The following FAM8A1 variants were observed in gnomAD, a reference collection of about 807,000 sequenced individuals.
FAM8A1 encodes family with sequence similarity 8 member A1.
In FAM8A1, 18 loss-of-function variants were observed where a neutral mutation model predicts 38.3. That is an observed-to-expected ratio of 0.47 (90% confidence interval 0.33 to 0.70). The LOEUF is 0.70. Among genes scored for constraint, FAM8A1 ranks in the 30% least tolerant of loss-of-function variants. The pLI, the probability that FAM8A1 is intolerant of heterozygous loss-of-function variation, is 0.03. For synonymous variants in FAM8A1, 246 were observed against 234.4 expected (o/e 1.05, Z -0.45); for missense variants, 559 against 559.6 (o/e 1.00, Z 0.01).
chr6:17,603,044 A>G (rs1764008302), intron 2 of FAM8A1, among the ~76,000 whole-genome samples: 1 of 152,202 alleles, frequency 6.6e-6, no homozygotes. Flanking sequence ...CCCTCTTGCT[A>G]TCTTGTGGAG....
At position 17,600,874 on chromosome 6, in the gene FAM8A1, C is replaced by T. The variant is rs1281372702; in HGVS notation, c.465C>T (p.Gly155=). Residue 155 remains glycine, a synonymous_variant, in exon 1 of 5, where the codon GGC becomes GGT. Coordinates refer to ENST00000259963, the MANE Select transcript of FAM8A1 (RefSeq NM_016255.3). The part of the protein sequence containing the change: ...QPSPQSFPSG[G]AAVPQAAAPP... Reference sequence around the variant, plus strand: ...CCCCGCAGAGCTTCCCTTCGGGCGGCGCTGCAGTCCCCCAGGCCGCGGCGC... The same window carrying T: ...CCCCGCAGAGCTTCCCTTCGGGCGGTGCTGCAGTCCCCCAGGCCGCGGCGC... The T allele has an allele frequency of 6.2e-7, 1 of 1,605,756 alleles. No individual in the cohort carries two copies. The highest frequency in any genetic ancestry group is 1.3e-5 in the African/African-American group (1 of 74,896).
In FAM8A1 at chr6:17,609,630, T is replaced by G. The variant is rs1764109347; in HGVS notation, c.*1291T>G. 1 of 152,196 alleles carries G rather than the reference T, an allele frequency of 6.6e-6. No individual in the cohort carries two copies. The highest frequency in any genetic ancestry group is 6.5e-5 in the Admixed American group (1 of 15,272). 9.4% of individuals were successfully genotyped at this position (152,196 alleles called of 1,614,324 possible). ...TATGTGTGTGTGCTTTTCCTAGATG[T>G]CCCAGTTAGCTGTGCTGAGATATAC... On this transcript the variant is annotated 3_prime_UTR_variant, in exon 5 of 5. Transcript: ENST00000259963.
chr6:17,603,877 C>T (rs1422093503), intron 2 of FAM8A1, among the ~76,000 whole-genome samples: 2 of 151,962 alleles, frequency 1.3e-5, no homozygotes, highest in Admixed American at 6.6e-5. Flanking sequence ...TGAGCCACCA[C>T]ACCTGGCCCA....
In FAM8A1 at chr6:17,605,010, T is replaced by G; in HGVS notation, c.938T>G (p.Leu313Ter). ...KMMVVALIYR[L>*]LVCFYEIICI... ...ATGGTTGTGGCACTTATATACAGAT[T>G]ATTAGTTTGTTTCTATGAGGTAAGC... Residue 313 changes from leucine (L) to a stop codon, truncating the protein, a stop_gained, in exon 3 of 5, where the codon TTA (leucine) becomes TGA (stop). Transcript: ENST00000259963. LOFTEE classifies it high-confidence loss of function. The G allele has an allele frequency of 1.2e-6, 2 of 1,609,250 alleles. No homozygotes were observed. Among genetic ancestry groups the G allele is most frequent in the Non-Finnish European group, 1.7e-6 (2 of 1,177,898 alleles).
chr6:17,605,291 G>C (rs922462452), intron 3 of FAM8A1, among the ~76,000 whole-genome samples: 5 of 152,178 alleles, frequency 3.3e-5, no homozygotes, highest in African/African-American at 9.7e-5. Flanking sequence ...ATGTAGGCCA[G>C]GCTGGTCTCA....
In FAM8A1 at chr6:17,600,526, C is replaced by T; in HGVS notation, c.117C>T (p.Pro39=). The T allele has an allele frequency of 3.9e-6, 6 of 1,534,378 alleles. No individual in the cohort carries two copies. Among genetic ancestry groups the T allele is most frequent in the South Asian group, 3.7e-5 (3 of 81,450 alleles). The change falls in exon 1 of 5, where the codon CCC becomes CCT. Residue 39 remains proline, a synonymous_variant. Transcript: ENST00000259963. ...RGPPTTAVPC[P]RDDPQAEPQA... ...CTCCTACCACCGCCGTCCCATGCCCCCGCGACGACCCCCAGGCCGAACCCC... is the reference window on the plus strand; with the variant it reads ...CTCCTACCACCGCCGTCCCATGCCCTCGCGACGACCCCCAGGCCGAACCCC...
intron 1 of FAM8A1, 106 bp from the exon 2 acceptor site, chr6:17,602,484 T>A: frequency 9.1e-7 from 1 of 1,102,650 alleles, no homozygotes; most frequent in Non-Finnish European, 1.3e-6. Flanking sequence ...TATTTTTTAT[T>A]AAGTTGTACC....
chr6:17,600,516 T>C lies in FAM8A1; in HGVS notation c.107T>C (p.Val36Ala). The change falls in exon 1 of 5, where the codon GTC (valine) becomes GCC (alanine). Residue 36 changes from valine to alanine, a missense_variant. This residue lies in a region of FAM8A1 where 393 missense variants were observed against 338.9 expected (regional missense o/e 1.16). Coordinates refer to ENST00000259963, the MANE Select transcript of FAM8A1 (RefSeq NM_016255.3). ...PSLRGPPTTA[V>A]PCPRDDPQAE... ...CTGAGAGGCCCTCCTACCACCGCCG[T>C]CCCATGCCCCCGCGACGACCCCCAG... 1 of 1,533,606 alleles carries C rather than the reference T, an allele frequency of 6.5e-7. No individual in the cohort carries two copies. Among genetic ancestry groups the C allele is most frequent in the East Asian group, 2.8e-5 (1 of 35,830 alleles). The allele number at this position is 1,533,606 out of a possible 1,614,324, so 95.0% of individuals were successfully genotyped here.
rs988348371 is a variant in FAM8A1 at position 17,611,526 on chromosome 6, T to G, written c.*3187T>G. On this transcript the variant is annotated 3_prime_UTR_variant, in exon 5 of 5. Coordinates refer to ENST00000259963, the MANE Select transcript of FAM8A1 (RefSeq NM_016255.3). ...CCAGTACCACAGGCCACTCTTGACA[T>G]CCCATGTTTGCCTGGATAAAGTTCC... 1 of 152,624 alleles carries G rather than the reference T, an allele frequency of 6.6e-6. No homozygotes were observed. Among genetic ancestry groups the G allele is most frequent in the Non-Finnish European group, 1.5e-5 (1 of 68,038 alleles). 9.5% of individuals were successfully genotyped at this position (152,624 alleles called of 1,614,324 possible). A position where few individuals can be genotyped will look rare whatever the true frequency, so the allele number is the denominator to read the frequency against.
rs1764102930 is a variant in FAM8A1, at chr6:17,609,288, A to G, written c.*949A>G. The G allele has an allele frequency of 6.6e-6, 1 of 152,216 alleles. No homozygotes were observed. Among genetic ancestry groups the G allele is most frequent in the Non-Finnish European group, 1.5e-5 (1 of 68,042 alleles). 9.4% of individuals were successfully genotyped at this position (152,216 alleles called of 1,614,324 possible). ...CTCAGTGTAAATTCTATTTATATAC[A>G]GCATATTCACATACTACTTTCCTTA... On this transcript the variant is annotated 3_prime_UTR_variant, in exon 5 of 5. Coordinates refer to ENST00000259963, the MANE Select transcript of FAM8A1 (RefSeq NM_016255.3).
chr6:17,606,196 GA>G (rs1346343124), intron 4 of FAM8A1, among the ~76,000 whole-genome samples, 183 bp downstream of exon 4: 171 of 146,574 alleles, frequency 1.2e-3, no homozygotes, highest in Middle Eastern at 3.5e-3. Context: ...TTTTCAAGAT[GA>G]TTTTTTTTTT....
In FAM8A1 at chr6:17,601,179, G is replaced by A; in HGVS notation, c.712+58G>A. 2.6e-6 allele frequency: 4 copies of A among 1,533,974 alleles called. No individual in the cohort carries two copies. The South Asian group carries it at 3.6e-5, about 14-fold the overall frequency. The stretch of plus-strand genomic sequence containing the variant: ...AGAAGGGTTTTCGGGGGCCTGTGGG[G>A]TAGAGCTGGCACGCTTTTTAGACCT... On this transcript the variant is annotated intron_variant, in intron 1 of 4. Transcript: ENST00000259963.
rs1763978779 is a variant in FAM8A1 at position 17,601,047 on chromosome 6, T to G, written c.638T>G (p.Val213Gly). Residue 213 changes from valine (V) to glycine (G), a missense_variant, in exon 1 of 5, where the codon GTC (valine) becomes GGC (glycine). This residue lies in a region of FAM8A1 where 393 missense variants were observed against 338.9 expected (regional missense o/e 1.16). Coordinates refer to ENST00000259963, the MANE Select transcript of FAM8A1 (RefSeq NM_016255.3). ...CGGGCTCCTCACGTGCAGGCGTCGG[T>G]CCGGGCCACTCCAGTGACGAGGGTA... Reference protein sequence around the residue: ...GPRAPHVQASVRATPVTRVGS... With the variant: ...GPRAPHVQASGRATPVTRVGS... 4 of 1,594,338 alleles carry G rather than the reference T, an allele frequency of 2.5e-6. No individual in the cohort carries two copies. Among genetic ancestry groups the G allele is most frequent in the Non-Finnish European group, 2.6e-6 (3 of 1,173,270 alleles).
Position 17,601,120 on chromosome 6 carries a change from A to G in FAM8A1, c.711A>G (p.Ala237=). Residue 237 remains alanine, a splice_region_variant and synonymous_variant, in exon 1 of 5, where the codon GCA becomes GCG. Coordinates refer to ENST00000259963, the MANE Select transcript of FAM8A1 (RefSeq NM_016255.3). ...SRSPSETGRQ[A]GREYVIPSLA... ...GCCCGAGCGAGACCGGGCGACAGGC[A>G]GGTGAGAAGCGCGAGGTGGAGGCTG... 6.3e-7 allele frequency: 1 copy of G among 1,588,584 alleles called. No individual in the cohort carries two copies. Among genetic ancestry groups the G allele is most frequent in the Middle Eastern group, 1.7e-4 (1 of 6,030 alleles).
Position 17,611,082 on chromosome 6 carries a change from C to T in FAM8A1, c.*2743C>T, listed in dbSNP as rs1315149735. On this transcript the variant is annotated 3_prime_UTR_variant, in exon 5 of 5. Transcript: ENST00000259963. ...GAGTATTGCCCAACTGAACTTTGCTCCCACTGGTTTAATAGTTACTTATTT... is the reference window on the plus strand; with the variant it reads ...GAGTATTGCCCAACTGAACTTTGCTTCCACTGGTTTAATAGTTACTTATTT... 3.9e-5 allele frequency: 6 copies of T among 152,276 alleles called. No individual in the cohort carries two copies. The highest frequency in any genetic ancestry group is 3.4e-3 in the Middle Eastern group (1 of 294). 9.4% of individuals were successfully genotyped at this position (152,276 alleles called of 1,614,324 possible).
In FAM8A1 at chr6:17,602,659, T is replaced by A. The variant is rs750260210; in HGVS notation, c.782T>A (p.Phe261Tyr). The A allele has an allele frequency of 2.5e-5, 40 of 1,613,634 alleles. No homozygotes were observed. The highest frequency in any genetic ancestry group is 2.5e-6 in the Non-Finnish European group (3 of 1,179,886). The change falls in exon 2 of 5, where the codon TTC (phenylalanine) becomes TAC (tyrosine). Residue 261 changes from phenylalanine (F) to tyrosine (Y), a missense_variant. Around this residue, in one of 2 missense-constraint regions of FAM8A1, gnomAD observed 166 missense variants for 220.8 expected, o/e 0.75. Coordinates refer to ENST00000259963, the MANE Select transcript of FAM8A1 (RefSeq NM_016255.3). ...MAEMVDFFILFFIKATIVLSI... is the reference protein window; with the variant it reads ...MAEMVDFFILYFIKATIVLSI... ...GAGATGGTGGATTTCTTTATTCTCT[T>A]CTTTATAAAAGCAACCATTGTCTTA...
Position 17,608,274 on chromosome 6 carries a change from C to T in FAM8A1, c.1177C>T (p.His393Tyr). ...TTTCATCACACTGCTGTTTTTTCAG[C>T]ATAATCGAACAGCTTATGACATTGT... ...PAFITLLFFQ[H>Y]NRTAYDIVAG... The change falls in exon 5 of 5, where the codon CAT becomes TAT. Residue 393 changes from histidine to tyrosine, a missense_variant. Physicochemically the swap from His to Tyr is moderately conservative, Grantham distance 83. This residue lies in a region of FAM8A1 where 166 missense variants were observed against 220.8 expected (regional missense o/e 0.75). Coordinates refer to ENST00000259963, the MANE Select transcript of FAM8A1 (RefSeq NM_016255.3). 1 of 1,613,590 alleles carries T rather than the reference C, an allele frequency of 6.2e-7. No individual in the cohort carries two copies. The highest frequency in any genetic ancestry group is 8.5e-7 in the Non-Finnish European group (1 of 1,179,810).
At position 17,600,542 on chromosome 6, in the gene FAM8A1, G is replaced by A. The variant is rs778956140; in HGVS notation, c.133G>A (p.Ala45Thr). The A allele has an allele frequency of 7.0e-5, 107 of 1,520,808 alleles. No homozygotes were observed. The highest frequency in any genetic ancestry group is 2.2e-4 in the Middle Eastern group (1 of 4,608). The allele number at this position is 1,520,808 out of a possible 1,614,324, so 94.2% of individuals were successfully genotyped here. A position where few individuals can be genotyped will look rare whatever the true frequency, so the allele number is the denominator to read the frequency against. Residue 45 changes from alanine (A) to threonine (T), a missense_variant, in exon 1 of 5, where the codon GCC becomes ACC. Coordinates refer to ENST00000259963, the MANE Select transcript of FAM8A1 (RefSeq NM_016255.3). Reference protein sequence around the residue: ...AVPCPRDDPQAEPQAPGRPTA... With the variant: ...AVPCPRDDPQTEPQAPGRPTA... ...CCCATGCCCCCGCGACGACCCCCAG[G>A]CCGAACCCCAGGCCCCGGGCCGGCC...
At position 17,610,526 on chromosome 6, in the gene FAM8A1, G is replaced by C. The variant is rs1244730001; in HGVS notation, c.*2187G>C. 6.6e-6 allele frequency: 1 copy of C among 152,060 alleles called. No individual in the cohort carries two copies. Among genetic ancestry groups the C allele is most frequent in the African/African-American group, 2.4e-5 (1 of 41,424 alleles). The allele number at this position is 152,060 out of a possible 1,614,324, so 9.4% of individuals were successfully genotyped here. A position where few individuals can be genotyped will look rare whatever the true frequency, so the allele number is the denominator to read the frequency against. On this transcript the variant is annotated 3_prime_UTR_variant, in exon 5 of 5. Transcript: ENST00000259963. ...AATTCAGTATTTGCACCGAGATTTTGATTCCCAAAGTTTGGAAAAAAATGA... is the reference window on the plus strand; with the variant it reads ...AATTCAGTATTTGCACCGAGATTTTCATTCCCAAAGTTTGGAAAAAAATGA...
Sources: allele counts gnomAD v4.1 joint callset (sites outside exome capture counted in the v4.1 genomes callset), GRCh38; gene constraint gnomAD v4.1.1; regional missense constraint gnomAD v4.1.1; transcripts MANE v1.5; gene names NCBI Gene and HGNC (gene_info 2026-07-23, HGNC 2026-07-21).